The following UQCC1 variants were observed in gnomAD, a reference collection of about 807,000 sequenced individuals.
UQCC1 encodes the protein bFGF-repressed Zic-binding protein.
UQCC1 carries 38 observed loss-of-function variants against 48.0 expected under a neutral mutation model. The ratio of observed to expected loss-of-function variants is 0.79; its 90% CI spans 0.61 to 1.04. UQCC1 has a LOEUF of 1.04. UQCC1 is among the 50% of genes least tolerant of loss of function. The pLI is 0.00. For missense variants in UQCC1, 368 were observed against 381.8 expected (o/e 0.96, Z 0.30); for synonymous variants, 111 against 129.2 (o/e 0.86, Z 0.95).
At chr20:35,372,946 A>G (rs535562642) in intron 5 of UQCC1, among the ~76,000 whole-genome samples, 2 of 152,338 alleles carry the variant, frequency 1.3e-5, no homozygotes, top group Admixed American at 1.3e-4. Flanking sequence ...CATTGTTGTG[A>G]ACACAATTAT....
chr20:35,351,475 C>G (rs2061490114), intron 6 of UQCC1, among the ~76,000 whole-genome samples: 1 of 151,768 alleles, frequency 6.6e-6, no homozygotes, highest in African/African-American at 2.4e-5. Flanking sequence ...GACACAGAGC[C>G]TATTCCACAG....
intron 1 of UQCC1, among the ~76,000 whole-genome samples, chr20:35,401,241 T>C (rs905603386): frequency 2.6e-5 from 4 of 152,216 alleles, no homozygotes; most frequent in Non-Finnish European, 5.9e-5. Flanking sequence ...CCAACAGCAC[T>C]ATAACTCACT....
chr20:35,401,295 T>C (rs1034798796), intron 1 of UQCC1, among the ~76,000 whole-genome samples: 3 of 152,188 alleles, frequency 2.0e-5, no homozygotes, highest in Admixed American at 6.5e-5. Flanking sequence ...TAAGGCACAT[T>C]GTGGCCTTCT....
At chr20:35,345,571 G>C (rs959270211) in intron 7 of UQCC1, 4 of 152,102 alleles carry the variant, frequency 2.6e-5, no homozygotes, top group Non-Finnish European at 4.4e-5. Context: ...AACCAAAAAG[G>C]ATGATTACAA....
Position 35,303,477 on chromosome 20 carries a change from T to G in UQCC1, c.*458A>C, listed in dbSNP as rs1242278681. 6.1e-6 allele frequency: 1 copy of G among 164,760 alleles called. No individual in the cohort carries two copies. Among genetic ancestry groups the G allele is most frequent in the African/African-American group, 2.4e-5 (1 of 41,870 alleles). 10.2% of individuals were successfully genotyped at this position (164,760 alleles called of 1,614,324 possible). ...GGCAGAGAGAAGTCTCTGTTTCTTT[T>G]AATGGCCAACTCAACCCCATGGCTG... On this transcript the variant is annotated 3_prime_UTR_variant, in exon 10 of 10. Transcript: ENST00000374385.
chr20:35,408,830 G>A (rs892101907), intron 1 of UQCC1, among the ~76,000 whole-genome samples: 5 of 151,588 alleles, frequency 3.3e-5, no homozygotes, highest in Admixed American at 6.6e-5. Context: ...ACTTCAGCAC[G>A]CATGACAGAG....
At chr20:35,309,691 T>G (rs1376851597) in intron 8 of UQCC1, among the ~76,000 whole-genome samples, 2 of 152,304 alleles carry the variant, frequency 1.3e-5, no homozygotes, top group East Asian at 3.9e-4. Flanking sequence ...TTAAGACACC[T>G]AGGTCTAGAG....
At chr20:35,392,093 T>C in intron 2 of UQCC1, 1 of 521,048 alleles carries the variant, frequency 1.9e-6, no homozygotes, top group Non-Finnish European at 3.3e-6. Flanking sequence ...TGACATACAT[T>C]CATCCTACCA....
intron 1 of UQCC1, among the ~76,000 whole-genome samples, chr20:35,401,856 T>C (rs2062170354): frequency 6.6e-6 from 1 of 151,752 alleles, no homozygotes; most frequent in Admixed American, 6.6e-5. Flanking sequence ...AGACGGGGTT[T>C]CTCCATGTTG....
At position 35,366,561 on chromosome 20, in the gene UQCC1, C is replaced by T. The variant is rs2061668416; in HGVS notation, c.460G>A (p.Val154Ile). Residue 154 changes from valine to isoleucine, a missense_variant, in exon 6 of 10, where the codon GTC becomes ATC. Coordinates refer to ENST00000374385, the MANE Select transcript of UQCC1 (RefSeq NM_018244.5). ...TCATTTAAATTGCTCACTTACCAGA[C>T]GTGGAGTAGGGTTATAAGAAACCAT... is the stretch of plus-strand genomic sequence containing the variant. Reference protein sequence around the residue: ...NSWFLITLLHVWMCLVRMKQE... With the variant: ...NSWFLITLLHIWMCLVRMKQE... 6.8e-6 allele frequency: 11 copies of T among 1,613,648 alleles called. No individual in the cohort carries two copies. The highest frequency in any genetic ancestry group is 1.1e-5 in the South Asian group (1 of 91,020).
chr20:35,360,263 T>C (rs2061591843), intron 6 of UQCC1, among the ~76,000 whole-genome samples: 1 of 151,838 alleles, frequency 6.6e-6, no homozygotes. Flanking sequence ...AGGCCTGGGG[T>C]TGCTGGAATC....
chr20:35,318,836 T>C (rs78319794), intron 7 of UQCC1, among the ~76,000 whole-genome samples: 2,499 of 152,312 alleles, frequency 0.016, 19 homozygotes, highest in Non-Finnish European at 0.023. Context: ...GAGCAGGATA[T>C]TCGCTCTGGT....
chr20:35,411,526 T>C (rs2062364024), intron 1 of UQCC1, among the ~76,000 whole-genome samples: 1 of 152,138 alleles, frequency 6.6e-6, no homozygotes, highest in Non-Finnish European at 1.5e-5. Flanking sequence ...AGGAGATAAA[T>C]GTCCTCGTTT....
chr20:35,346,894 C>CT, intron 7 of UQCC1: 1 of 1,188,716 alleles, frequency 8.4e-7, no homozygotes, highest in East Asian at 2.6e-5. Context: ...TCCATCCCTC[C>CT]TATCACCACG....
At chr20:35,349,555 C>A (rs2061468185) in intron 6 of UQCC1, among the ~76,000 whole-genome samples, 1 of 152,098 alleles carries the variant, frequency 6.6e-6, no homozygotes, top group African/African-American at 2.4e-5. Flanking sequence ...CAAACCAGAA[C>A]GTATTTGGAA....
Position 35,337,469 on chromosome 20 carries a change from A to G in UQCC1, c.573+9695T>C, listed in dbSNP as rs184480947. Among the ~76,000 whole-genome samples, 5 of 152,180 alleles carry G rather than the reference A, an allele frequency of 3.3e-5. No homozygotes were observed. In the East Asian group the frequency reaches 9.7e-4, roughly 29 times the overall value. On this transcript the variant is annotated intron_variant, in intron 7 of 9. Coordinates refer to ENST00000374385, the MANE Select transcript of UQCC1 (RefSeq NM_018244.5). Reference sequence around the variant, plus strand: ...CCCAAAGTGCTAGGATTACAGGCTTAAGCCACCACATCTGGCCTGAGCTAG... The same window carrying G: ...CCCAAAGTGCTAGGATTACAGGCTTGAGCCACCACATCTGGCCTGAGCTAG...
chr20:35,383,570 T>C lies in UQCC1; in HGVS notation c.225+468A>G, dbSNP rs545544124. ...ACCAGGGTAACAGAGCAAGACCTCA[T>C]CTGTTAAAAAAAATTTTAAAAACAA... On this transcript the variant is annotated intron_variant, in intron 3 of 9. Coordinates refer to ENST00000374385, the MANE Select transcript of UQCC1 (RefSeq NM_018244.5). Among the ~76,000 whole-genome samples the C allele has an allele frequency of 1.1e-4, 17 of 152,070 alleles. 1 individual carries two copies. The highest frequency in any genetic ancestry group is 3.9e-4 in the African/African-American group (16 of 41,476).
intron 1 of UQCC1, 95 bp downstream of exon 1, chr20:35,411,845 C>T (rs1011458628): frequency 6.5e-7 from 1 of 1,546,982 alleles, no homozygotes; most frequent in African/African-American, 1.4e-5. Context: ...CACAGGCTTC[C>T]CTCCTGCGAT....
intron 6 of UQCC1, among the ~76,000 whole-genome samples, chr20:35,358,607 T>C (rs2061573194): frequency 6.6e-6 from 1 of 152,126 alleles, no homozygotes; most frequent in African/African-American, 2.4e-5. Flanking sequence ...TCACCCAGGC[T>C]GGAGTGCAGT....
Sources: gnomAD v4.1 joint callset for allele counts (sites outside exome capture counted in the v4.1 genomes callset) on GRCh38, gnomAD v4.1.1 for gene constraint, MANE v1.5 for transcripts, NCBI Gene and HGNC (gene_info 2026-07-23, HGNC 2026-07-21) for gene names.